DSC3: variants seen among roughly 807,000 people sequenced by gnomAD.
The protein encoded by DSC3 is desmocollin-3.
DSC3 carries 97 observed loss-of-function variants against 89.5 expected under a neutral mutation model. That is an observed-to-expected ratio of 1.08 (90% confidence interval 0.92 to 1.28). The LOEUF (loss-of-function observed/expected upper bound fraction) is 1.28. Among genes scored for constraint, DSC3 ranks in the 50% most tolerant of loss-of-function variants. DSC3 has a pLI of 0.00. For missense variants in DSC3, 1,199 were observed against 1,085.3 expected, an observed-to-expected ratio of 1.10 and a Z score of -1.47; for synonymous variants, 436 against 384.1, an observed-to-expected ratio of 1.14 and a Z score of -1.58.
chr18:31,022,919 G>C (rs1985472241), intron 6 of DSC3, among the ~76,000 whole-genome samples: 1 of 152,190 alleles, frequency 6.6e-6, no homozygotes, highest in Non-Finnish European at 1.5e-5. Flanking sequence ...GGGGTATGCA[G>C]TAATAATATA....
chr18:30,995,841 G>A (rs1164897824), intron 15 of DSC3, among the ~76,000 whole-genome samples: 1 of 151,638 alleles, frequency 6.6e-6, no homozygotes, highest in Admixed American at 6.6e-5. Flanking sequence ...GTGTGGTGGT[G>A]TATACCTGTA....
intron 1 of DSC3, among the ~76,000 whole-genome samples, chr18:31,036,466 A>G (rs1400617701): frequency 1.3e-5 from 2 of 152,116 alleles, no homozygotes; most frequent in African/African-American, 4.8e-5. Flanking sequence ...TCTGATAAAC[A>G]GAGTGCTTCA....
rs756969733 is a variant in DSC3 at position 31,042,641 on chromosome 18, C to G, written c.20G>C (p.Arg7Pro). MAAAGP[R>P]RSVRGAVCLH... ...GCAGACGGCTCCGCGCACGGAGCGC[C>G]GGGGCCCAGCGGCGGCCATCGGGAT... Residue 7 changes from arginine (R) to proline (P), a missense_variant, in exon 1 of 16, where the codon CGG becomes CCG. Transcript: ENST00000360428. The G allele has an allele frequency of 1.9e-5, 30 of 1,549,746 alleles. No individual in the cohort carries two copies. The highest frequency in any genetic ancestry group is 1.7e-4 in the Middle Eastern group (1 of 5,958).
chr18:31,014,337 T>C (rs1985166186), intron 9 of DSC3, among the ~76,000 whole-genome samples: 1 of 152,132 alleles, frequency 6.6e-6, no homozygotes. Context: ...TTAAACATGT[T>C]TGTGTATATA....
At chr18:31,020,356 A>G (rs1431236005) in intron 7 of DSC3, among the ~76,000 whole-genome samples, 1 of 152,206 alleles carries the variant, frequency 6.6e-6, no homozygotes, top group Non-Finnish European at 1.5e-5. Flanking sequence ...AGGAAAGATC[A>G]GAGAAGCAGG....
chr18:31,005,284 C>T (rs1984800317), intron 12 of DSC3, among the ~76,000 whole-genome samples: 3 of 152,218 alleles, frequency 2.0e-5, no homozygotes, highest in Non-Finnish European at 4.4e-5. Context: ...TCCCTCAAGA[C>T]AACAAGTGGA....
chr18:31,030,849 G>A, intron 3 of DSC3, 124 bp downstream of exon 3: 1 of 896,660 alleles, frequency 1.1e-6, no homozygotes, highest in Non-Finnish European at 1.8e-6. Flanking sequence ...CGAAGTGAAA[G>A]GAAAGGAAAC....
rs776607603 is a variant in DSC3, at chr18:30,994,291, A to T, written c.2575T>A (p.Ser859Thr). Residue 859 changes from serine to threonine, a missense_variant, in exon 16 of 16, where the codon TCT becomes ACT. By Grantham distance (58) the Ser-to-Thr change is moderately conservative (BLOSUM62 1). Coordinates refer to ENST00000360428, the MANE Select transcript of DSC3 (RefSeq NM_001941.5). Reference sequence around the variant, plus strand: ...CAGCAGCCCACAGAACCAGCTGGAGATCCTCTTCCCTCATAGTTATAAGTG... The same window carrying T: ...CAGCAGCCCACAGAACCAGCTGGAGTTCCTCTTCCCTCATAGTTATAAGTG... ...VLTYNYEGRG[S>T]PAGSVGCCSE... 6.2e-7 allele frequency: 1 copy of T among 1,614,094 alleles called. No individual in the cohort carries two copies. Among genetic ancestry groups the T allele is most frequent in the Non-Finnish European group, 8.5e-7 (1 of 1,179,990 alleles).
rs114055312 is a variant in DSC3 at position 31,030,772 on chromosome 18, A to T, written c.354+201T>A. Among the ~76,000 whole-genome samples, 1,007 of 151,950 alleles carry T rather than the reference A, an allele frequency of 6.6e-3. 12 individuals carry two copies. The highest frequency in any genetic ancestry group is 0.023 in the African/African-American group (963 of 41,466). ...AGGAAGGGGAAGGAAAGGAGAAGGA[A>T]AAGGGAAGGAATGAAAAGGACAGGG... On this transcript the variant is annotated intron_variant, in intron 3 of 15. Coordinates refer to ENST00000360428, the MANE Select transcript of DSC3 (RefSeq NM_001941.5).
intron 14 of DSC3, among the ~76,000 whole-genome samples, chr18:31,000,788 G>A (rs1045264690): frequency 3.3e-5 from 5 of 151,826 alleles, no homozygotes; most frequent in African/African-American, 1.2e-4. Flanking sequence ...CTTGTCACCA[G>A]CCTTTCTGGT....
chr18:31,029,485 T>G (rs1985707489), intron 4 of DSC3, 24 bp downstream of exon 4: 1 of 1,613,340 alleles, frequency 6.2e-7, no homozygotes, highest in Non-Finnish European at 8.5e-7. Context: ...AAAGCAACCC[T>G]GACCAGAAAA....
intron 9 of DSC3, among the ~76,000 whole-genome samples, chr18:31,014,546 A>G (rs1392799114): frequency 6.6e-6 from 1 of 152,098 alleles, no homozygotes; most frequent in East Asian, 1.9e-4. Context: ...TACTGGCCTT[A>G]TTAATAAATA....
At position 30,990,850 on chromosome 18, in the gene DSC3, A is replaced by G. The variant is rs1260086365; in HGVS notation, c.*3325T>C. 6.6e-6 allele frequency: 1 copy of G among 152,216 alleles called. No individual in the cohort carries two copies. The highest frequency in any genetic ancestry group is 1.9e-4 in the East Asian group (1 of 5,202). 9.4% of individuals were successfully genotyped at this position (152,216 alleles called of 1,614,324 possible). ...TTATACATATGTATCATAGATACTC[A>G]TCTGTAAAGCTGTGCTTCAAAATAG... is the stretch of plus-strand genomic sequence containing the variant. On this transcript the variant is annotated 3_prime_UTR_variant, in exon 16 of 16. Coordinates refer to ENST00000360428, the MANE Select transcript of DSC3 (RefSeq NM_001941.5).
rs1283232384 is a variant in DSC3, at chr18:31,001,659, A to C, written c.2194T>G (p.Leu732Val). Residue 732 changes from leucine (L) to valine (V), a missense_variant, in exon 14 of 16, where the codon TTA becomes GTA. By Grantham distance (32) the Leu-to-Val change is conservative (BLOSUM62 1). Coordinates refer to ENST00000360428, the MANE Select transcript of DSC3 (RefSeq NM_001941.5). ...RFPEDLAQQN[L>V]IISNTEAPGD... ...GGTGCTTCTGTGTTTGATATAATTA[A>C]GTTTTGCTGTGCTAAATCTTCAGGA... 1 of 1,611,538 alleles carries C rather than the reference A, an allele frequency of 6.2e-7. No homozygotes were observed. The highest frequency in any genetic ancestry group is 8.5e-7 in the Non-Finnish European group (1 of 1,178,628).
At position 31,008,493 on chromosome 18, in the gene DSC3, G is replaced by T; in HGVS notation, c.1296C>A (p.Asn432Lys). 6.2e-7 allele frequency: 1 copy of T among 1,614,062 alleles called. No individual in the cohort carries two copies. Among genetic ancestry groups the T allele is most frequent in the South Asian group, 1.1e-5 (1 of 91,072 alleles). Residue 432 changes from asparagine to lysine, a missense_variant, in exon 10 of 16, where the codon AAC becomes AAA. Coordinates refer to ENST00000360428, the MANE Select transcript of DSC3 (RefSeq NM_001941.5). ...CTTCATTGTTTACTCCAATTTCCAG[G>T]TTCACTTGACGGTTTTCTTCATAAT... is the stretch of plus-strand genomic sequence containing the variant. ...PLNYEENRQV[N>K]LEIGVNNEAP... is the part of the protein sequence containing the mutation.
At chr18:31,018,887 C>G in intron 7 of DSC3, 87 bp from the exon 8 acceptor site, 1 of 1,171,126 alleles carries the variant, frequency 8.5e-7, no homozygotes, top group Non-Finnish European at 1.2e-6. Context: ...CACTCACTCA[C>G]ATACACACAC....
chr18:31,040,083 T>C (rs1397600639), intron 1 of DSC3, among the ~76,000 whole-genome samples: 1 of 152,098 alleles, frequency 6.6e-6, no homozygotes, highest in Non-Finnish European at 1.5e-5. Flanking sequence ...CTAACAAATA[T>C]AAAAATTTGG....
rs1008608668 is a variant in DSC3, at chr18:31,042,630, G to T, written c.31C>A (p.Arg11Ser). The change falls in exon 1 of 16, where the codon CGC becomes AGC. Residue 11 changes from arginine to serine, a missense_variant. Transcript: ENST00000360428. The part of the protein sequence containing the change: MAAAGPRRSV[R>S]GAVCLHLLLT... ...AGCAGATGCAGGCAGACGGCTCCGC[G>T]CACGGAGCGCCGGGGCCCAGCGGCG... 21 of 1,550,152 alleles carry T rather than the reference G, an allele frequency of 1.4e-5. No individual in the cohort carries two copies. The East Asian group carries it at 1.5e-4, about 11-fold the overall frequency.
chr18:31,033,130 T>C (rs1473576691), intron 1 of DSC3, among the ~76,000 whole-genome samples: 3 of 152,110 alleles, frequency 2.0e-5, no homozygotes, highest in African/African-American at 4.8e-5. Context: ...TATTATACAC[T>C]GAAAACCATA....
Sources: allele counts gnomAD v4.1 joint callset (sites outside exome capture counted in the v4.1 genomes callset), GRCh38; gene constraint gnomAD v4.1.1; transcripts MANE v1.5; gene names NCBI Gene and HGNC (gene_info 2026-07-23, HGNC 2026-07-21).